TAF1A: variants seen among roughly 807,000 people sequenced by gnomAD.
The protein encoded by TAF1A is TATA box-binding protein-associated factor RNA polymerase I subunit A.
TAF1A carries 42 observed loss-of-function variants against 61.6 expected under a neutral mutation model. That is an observed-to-expected ratio of 0.68 (90% confidence interval 0.53 to 0.88). The LOEUF (loss-of-function observed/expected upper bound fraction) is 0.88. Ranked by LOEUF, TAF1A falls within the 40% of genes least tolerant of loss-of-function variation. The pLI is 0.00. For missense variants in TAF1A, 424 were observed against 518.7 expected, an observed-to-expected ratio of 0.82 and a Z score of 1.77; for synonymous variants, 179 against 177.7, an observed-to-expected ratio of 1.01 and a Z score of -0.06.
At chr1:222,556,294 C>A (rs148567517), downstream of TAF1A, among the ~76,000 whole-genome samples, 5 of 152,144 alleles carry the variant, frequency 3.3e-5, no homozygotes, top group Non-Finnish European at 7.4e-5. Context: ...TGAAATGATG[C>A]TGGCAGGCAG....
chr1:222,579,145 T>C (rs905339245), intron 4 of TAF1A, among the ~76,000 whole-genome samples: 3 of 152,210 alleles, frequency 2.0e-5, no homozygotes, highest in Non-Finnish European at 4.4e-5. Flanking sequence ...ACTCACAGTA[T>C]ACCTGGTCTA....
At chr1:222,586,919 G>A (rs761823338) in intron 2 of TAF1A, among the ~76,000 whole-genome samples, 5 of 152,082 alleles carry the variant, frequency 3.3e-5, no homozygotes, top group Non-Finnish European at 7.4e-5. Flanking sequence ...AAGTATTTTC[G>A]GTTTAACAGG....
At chr1:222,588,374 T>TAGG (rs1661107653) in intron 2 of TAF1A, 69 bp downstream of exon 2, 61 of 1,543,354 alleles carry the variant, frequency 4.0e-5, no homozygotes, top group Non-Finnish European at 5.3e-5. Context: ...TGGTTATTCA[T>TAGG]TTTGTATCCC....
downstream of TAF1A, among the ~76,000 whole-genome samples, chr1:222,556,307 A>G (rs577514598): frequency 2.6e-5 from 4 of 152,284 alleles, no homozygotes; most frequent in East Asian, 5.8e-4. Flanking sequence ...GCAGGCAGAA[A>G]TGAGCAGACC....
At chr1:222,586,542 G>A in intron 2 of TAF1A, among the ~76,000 whole-genome samples, 1 of 152,102 alleles carries the variant, frequency 6.6e-6, no homozygotes, top group East Asian at 1.9e-4. Flanking sequence ...AAAAAAAATT[G>A]TCAAGGAAAA....
intron 10 of TAF1A, among the ~76,000 whole-genome samples, chr1:222,560,952 G>A (rs1281140116): frequency 6.6e-6 from 1 of 151,838 alleles, no homozygotes; most frequent in Non-Finnish European, 1.5e-5. Context: ...CTTAAGTGGA[G>A]GAAATGTTTC....
chr1:222,588,772 A>T (rs1182480471), intron 1 of TAF1A, among the ~76,000 whole-genome samples: 1 of 152,224 alleles, frequency 6.6e-6, no homozygotes, highest in Admixed American at 6.5e-5. Flanking sequence ...CCGAACCACT[A>T]ATGTTTCAAG....
At chr1:222,568,290 C>G (rs1660201579) in intron 7 of TAF1A, among the ~76,000 whole-genome samples, 1 of 150,548 alleles carries the variant, frequency 6.6e-6, no homozygotes, top group Non-Finnish European at 1.5e-5. Context: ...AACATCAAAA[C>G]TAGAAGTTTC....
In TAF1A at chr1:222,588,523, T is replaced by C. The variant is rs1340529515; in HGVS notation, c.41A>G (p.Asp14Gly). The change falls in exon 2 of 11, where the codon GAT becomes GGT. Residue 14 changes from aspartate to glycine, a missense_variant. Transcript: ENST00000352967. The part of the protein sequence containing the change: ...FSEELKGPVT[D>G]DEEVETSVLS... ...CACAGATGTTTCCACTTCTTCATCA[T>C]CTGTCACAGGCCCTTTTAATTCTTC... 1.2e-6 allele frequency: 2 copies of C among 1,613,996 alleles called. No homozygotes were observed. The highest frequency in any genetic ancestry group is 1.3e-5 in the African/African-American group (1 of 74,940).
chr1:222,586,658 G>A (rs897667023), intron 2 of TAF1A, among the ~76,000 whole-genome samples: 1 of 152,164 alleles, frequency 6.6e-6, no homozygotes, highest in African/African-American at 2.4e-5. Context: ...CTGTCAACAA[G>A]TATTTTTTGG....
chr1:222,584,040 G>C, intron 3 of TAF1A, 88 bp downstream of exon 3: 1 of 1,456,276 alleles, frequency 6.9e-7, no homozygotes, highest in Non-Finnish European at 9.3e-7. Context: ...AAATCACTGA[G>C]ATTCTGTAAA....
intron 10 of TAF1A, among the ~76,000 whole-genome samples, chr1:222,560,698 G>A (rs919120749): frequency 1.3e-5 from 2 of 152,086 alleles, no homozygotes; most frequent in Non-Finnish European, 2.9e-5. Context: ...AATCTCTTCA[G>A]GACACCTTAA....
At chr1:222,563,588 G>A (rs1659999143) in intron 8 of TAF1A, among the ~76,000 whole-genome samples, 1 of 152,172 alleles carries the variant, frequency 6.6e-6, no homozygotes, top group Non-Finnish European at 1.5e-5. Flanking sequence ...TACCTGCCCT[G>A]TTTGGGCATT....
At chr1:222,563,975 AT>A (rs1388310605) in intron 8 of TAF1A, 83 bp downstream of exon 8, 4 of 808,034 alleles carry the variant, frequency 5.0e-6, no homozygotes, top group Non-Finnish European at 8.4e-6. Context: ...AAAGGGGTGG[AT>A]TTAGCCGATG....
chr1:222,561,585 A>G (rs1010747118), intron 9 of TAF1A, 67 bp from the exon 10 acceptor site: 2 of 1,429,460 alleles, frequency 1.4e-6, no homozygotes, highest in African/African-American at 2.9e-5. Context: ...CAGAATTTAG[A>G]CTTAACTAGA....
At chr1:222,564,422 C>T (rs1304667810) in intron 7 of TAF1A, among the ~76,000 whole-genome samples, 1 of 150,652 alleles carries the variant, frequency 6.6e-6, no homozygotes, top group Admixed American at 6.6e-5. Flanking sequence ...ATACTGTTTA[C>T]CACGCTCAAC....
intron 3 of TAF1A, among the ~76,000 whole-genome samples, chr1:222,582,747 A>G (rs1269455806): frequency 2.0e-5 from 3 of 152,258 alleles, no homozygotes; most frequent in Non-Finnish European, 4.4e-5. Flanking sequence ...TCCATATGAC[A>G]GATTATTTGG....
At chr1:222,579,064 T>C (rs939684568) in intron 4 of TAF1A, among the ~76,000 whole-genome samples, 1 of 152,158 alleles carries the variant, frequency 6.6e-6, no homozygotes, top group African/African-American at 2.4e-5. Flanking sequence ...GGTAGGCCAT[T>C]CCCATTTCCA....
chr1:222,575,357 CAAA>C (rs1215984475), intron 5 of TAF1A, among the ~76,000 whole-genome samples: 1 of 150,002 alleles, frequency 6.7e-6, no homozygotes, highest in Non-Finnish European at 1.5e-5. Context: ...CCCATCTTCA[CAAA>C]AAAAAAAATT....
Sources: allele counts gnomAD v4.1 joint callset (sites outside exome capture counted in the v4.1 genomes callset), GRCh38; gene constraint gnomAD v4.1.1; transcripts MANE v1.5; gene names NCBI Gene and HGNC (gene_info 2026-07-23, HGNC 2026-07-21).